CRHBP: variants seen among roughly 807,000 people sequenced by gnomAD.
The protein encoded by CRHBP is corticotropin-releasing hormone-binding protein.
CRHBP carries 19 observed loss-of-function variants against 34.9 expected under a neutral mutation model. That is an observed-to-expected ratio of 0.55 (90% CI 0.38 to 0.80). CRHBP has a LOEUF of 0.80. Ranked by LOEUF, CRHBP falls within the 30% of genes least tolerant of loss-of-function variation. CRHBP has a pLI of 0.00. For synonymous variants in CRHBP, 154 were observed against 153.4 expected, an observed-to-expected ratio of 1.00 and a Z score of -0.03; for missense variants, 328 against 409.2, an observed-to-expected ratio of 0.80 and a Z score of 1.71.
chr5:76,964,153 A>G (rs1282356113), intron 6 of CRHBP, among the ~76,000 whole-genome samples: 1 of 152,046 alleles, frequency 6.6e-6, no homozygotes, highest in African/African-American at 2.4e-5. Flanking sequence ...TCATGACCTC[A>G]TGACCAGATA....
At chr5:76,966,612 T>C (rs1745864301) in intron 6 of CRHBP, among the ~76,000 whole-genome samples, 1 of 152,170 alleles carries the variant, frequency 6.6e-6, no homozygotes. Flanking sequence ...GGTGTTTTCC[T>C]TTTGATCCAG....
At chr5:76,979,973 C>T (rs988698776) in intron 3 of CRHBP, among the ~76,000 whole-genome samples, 2 of 145,942 alleles carry the variant, frequency 1.4e-5, no homozygotes, top group East Asian at 2.2e-4. Context: ...TGGGGCCGGC[C>T]GGGCGCGGTG....
chr5:76,953,630 C>T lies in CRHBP; in HGVS notation c.111C>T (p.Phe37=), dbSNP rs371030096. ...GGGAAGCGGCGGACTACGATCCTTT[C>T]CTGCTCTTCAGCGCCAACCTGAAGC... ...ELREAADYDP[F]LLFSANLKRE... is the part of the protein sequence containing the mutation. The change falls in exon 2 of 7, where the codon TTC becomes TTT. Residue 37 remains phenylalanine, a synonymous_variant. Coordinates refer to ENST00000274368, the MANE Select transcript of CRHBP (RefSeq NM_001882.4). 140 of 1,612,792 alleles carry T rather than the reference C, an allele frequency of 8.7e-5. No individual in the cohort carries two copies. The highest frequency in any genetic ancestry group is 1.2e-4 in the Non-Finnish European group (136 of 1,179,600).
At chr5:76,963,801 A>T (rs1490955152) in intron 6 of CRHBP, among the ~76,000 whole-genome samples, 1 of 152,228 alleles carries the variant, frequency 6.6e-6, no homozygotes, top group African/African-American at 2.4e-5. Context: ...TTATGGTTCA[A>T]ATAGTAGATG....
chr5:76,960,954 A>T (rs1356597686), intron 5 of CRHBP, among the ~76,000 whole-genome samples: 42 of 151,950 alleles, frequency 2.8e-4, no homozygotes, highest in Admixed American at 2.8e-3. Flanking sequence ...TTTTTAGTAG[A>T]GACAGGGTTT....
chr5:76,978,081 G>A lies in CRHBP; in HGVS notation n.467+1561G>A, dbSNP rs148037403. Reference sequence around the variant, plus strand: ...GCTGAGAGAGGTGAGGGAACCTGCCGAAGAAAAGTTGGAAGCTAGCAGAGG... The same window carrying A: ...GCTGAGAGAGGTGAGGGAACCTGCCAAAGAAAAGTTGGAAGCTAGCAGAGG... On this transcript the variant is annotated intron_variant and non_coding_transcript_variant, in intron 3 of 3. Transcript: ENST00000514258. 3.9e-5 allele frequency among the ~76,000 whole-genome samples: 6 copies of A among 152,214 alleles called. No individual in the cohort carries two copies. The East Asian group carries it at 5.8e-4, about 15-fold the overall frequency.
intron 6 of CRHBP, among the ~76,000 whole-genome samples, chr5:76,964,178 C>G (rs531921412): frequency 2.0e-5 from 3 of 152,024 alleles, no homozygotes; most frequent in Admixed American, 6.5e-5. Flanking sequence ...AATGAAGTCT[C>G]GGGGAGGTGG....
rs1037753179 is a variant in CRHBP, at chr5:76,969,012, C to T, written c.*127C>T. 2.1e-5 allele frequency: 21 copies of T among 997,928 alleles called. No individual in the cohort carries two copies. Among genetic ancestry groups the T allele is most frequent in the Non-Finnish European group, 2.8e-5 (19 of 681,718 alleles). 61.8% of individuals were successfully genotyped at this position (997,928 alleles called of 1,614,324 possible). ...CAGTATTCCCAGCCTTGAGCGCACGCGCGCACACACACACACACATACACA... is the reference window on the plus strand; with the variant it reads ...CAGTATTCCCAGCCTTGAGCGCACGTGCGCACACACACACACACATACACA... On this transcript the variant is annotated 3_prime_UTR_variant, in exon 7 of 7. Transcript: ENST00000274368.
At chr5:76,956,937 A>G (rs1745680566) in intron 4 of CRHBP, among the ~76,000 whole-genome samples, 1 of 152,182 alleles carries the variant, frequency 6.6e-6, no homozygotes, top group Admixed American at 6.5e-5. Context: ...TGAAAAAACA[A>G]AAGAATTTTT....
Position 76,953,214 on chromosome 5 carries a change from A to G in CRHBP, c.80A>G (p.Glu27Gly), listed in dbSNP as rs1315953674. Reference sequence around the variant, plus strand: ...CTAAGAGGGGAAAGCCGGTACCTAGAGGTGAGCCACCCCTGGACTGACCCA... The same window carrying G: ...CTAAGAGGGGAAAGCCGGTACCTAGGGGTGAGCCACCCCTGGACTGACCCA... ...TALRGESRYLELREAADYDPF... is the reference protein window; with the variant it reads ...TALRGESRYLGLREAADYDPF... The change falls in exon 1 of 7, where the codon GAG becomes GGG. Residue 27 changes from glutamate (E) to glycine (G), a missense_variant and splice_region_variant. Coordinates refer to ENST00000274368, the MANE Select transcript of CRHBP (RefSeq NM_001882.4). The G allele has an allele frequency of 4.3e-6, 7 of 1,613,754 alleles. No homozygotes were observed. The highest frequency in any genetic ancestry group is 2.2e-5 in the East Asian group (1 of 44,892).
intron 6 of CRHBP, 115 bp from the exon 7 acceptor site, chr5:76,968,613 T>C: frequency 9.9e-7 from 1 of 1,007,156 alleles, no homozygotes; most frequent in Non-Finnish European, 1.4e-6. Flanking sequence ...TTTGGGTACA[T>C]GAGAGGAAGA....
chr5:76,975,825 A>AAAAAAAAAAAAAT, intron 2 of CRHBP, among the ~76,000 whole-genome samples: 4 of 61,856 alleles, frequency 6.5e-5, no homozygotes, highest in Non-Finnish European at 8.2e-5. Flanking sequence ...AAAAAAAAAA[A>AAAAAAAAAAAAAT]ATATATATAT....
At chr5:76,977,159 G>C (rs1373363821) in intron 3 of CRHBP, among the ~76,000 whole-genome samples, 1 of 152,132 alleles carries the variant, frequency 6.6e-6, no homozygotes, top group Admixed American at 6.5e-5. Context: ...GTTCTGTAAG[G>C]CTGCAGGTTT....
At chr5:76,969,578 G>A (rs1194685852), downstream of CRHBP, 4 of 152,290 alleles carry the variant, frequency 2.6e-5, no homozygotes, top group African/African-American at 9.7e-5. Flanking sequence ...AATCATTTTG[G>A]ACTTCTCAGA....
chr5:76,957,054 T>A (rs949524674), intron 4 of CRHBP, among the ~76,000 whole-genome samples: 2 of 151,876 alleles, frequency 1.3e-5, no homozygotes, highest in Non-Finnish European at 2.9e-5. Context: ...ATCAGAAACC[T>A]CCTGGGCCAG....
At chr5:76,975,825 A>AATATATATATAT (rs1217039736) in intron 2 of CRHBP, among the ~76,000 whole-genome samples, 39 of 61,764 alleles carry the variant, frequency 6.3e-4, no homozygotes, top group African/African-American at 1.3e-3. Flanking sequence ...AAAAAAAAAA[A>AATATATATATAT]ATATATATAT....
At chr5:76,956,313 G>A (rs1464275407) in intron 4 of CRHBP, among the ~76,000 whole-genome samples, 2 of 152,130 alleles carry the variant, frequency 1.3e-5, no homozygotes, top group Admixed American at 6.5e-5. Context: ...CTGACCAGAG[G>A]GTTGGATTAT....
At chr5:76,956,521 G>T (rs1461016667) in intron 4 of CRHBP, among the ~76,000 whole-genome samples, 1 of 152,208 alleles carries the variant, frequency 6.6e-6, no homozygotes, top group African/African-American at 2.4e-5. Context: ...GGATCACGAG[G>T]TCAGGAGATC....
intron 3 of CRHBP, among the ~76,000 whole-genome samples, chr5:76,954,924 C>A (rs1250337644): frequency 6.6e-6 from 1 of 152,136 alleles, no homozygotes; most frequent in Non-Finnish European, 1.5e-5. Flanking sequence ...CTGTCACATG[C>A]GTTAGAAATA....
Sources: gnomAD v4.1 joint callset for allele counts (sites outside exome capture counted in the v4.1 genomes callset) on GRCh38, gnomAD v4.1.1 for gene constraint, MANE v1.5 for transcripts, NCBI Gene and HGNC (gene_info 2026-07-23, HGNC 2026-07-21) for gene names.